PKIB: variants seen among roughly 807,000 people sequenced by gnomAD.
PKIB encodes cAMP-dependent protein kinase inhibitor beta, also known as PKI-beta.
Under a neutral mutation model 4.5 loss-of-function variants are expected in PKIB, and 2 were observed. The observed-to-expected ratio is 0.44, with a 90% CI of 0.18 to 1.39. PKIB has a LOEUF of 1.39. PKIB is among the 40% of genes most tolerant of loss of function. The pLI, the probability that PKIB is intolerant of heterozygous loss-of-function variation, is 0.27. For synonymous variants in PKIB, 38 were observed against 36.0 expected (o/e 1.06, Z -0.20); for missense variants, 94 against 92.6 (o/e 1.02, Z -0.06).
chr6:122,618,661 C>T (rs1437744075), intron 1 of PKIB, among the ~76,000 whole-genome samples: 1 of 151,932 alleles, frequency 6.6e-6, no homozygotes, highest in Non-Finnish European at 1.5e-5. Context: ...CTTAATAAAT[C>T]ATCTTAGTAT....
At chr6:122,516,429 T>C (rs527422765) in intron 2 of PKIB, among the ~76,000 whole-genome samples, 19 of 152,258 alleles carry the variant, frequency 1.2e-4, no homozygotes, top group African/African-American at 4.3e-4. Flanking sequence ...TGATCACTAA[T>C]GCTCAGTCAC....
intron 3 of PKIB, among the ~76,000 whole-genome samples, chr6:122,698,414 C>T (rs910732722): frequency 2.0e-5 from 3 of 152,142 alleles, no homozygotes; most frequent in African/African-American, 7.2e-5. Flanking sequence ...GGTGCTGCTC[C>T]AATGCATTAC....
chr6:122,554,307 C>T (rs771643249), intron 2 of PKIB, among the ~76,000 whole-genome samples: 1 of 152,296 alleles, frequency 6.6e-6, no homozygotes, highest in Non-Finnish European at 1.5e-5. Flanking sequence ...CAGGCATTGT[C>T]TCAATGATCT....
At chr6:122,545,082 G>A (rs1401582765) in intron 2 of PKIB, among the ~76,000 whole-genome samples, 2 of 152,012 alleles carry the variant, frequency 1.3e-5, no homozygotes, top group Admixed American at 6.6e-5. Context: ...ACAGTCTGGC[G>A]ATTTCTCAAG....
At position 122,490,733 on chromosome 6, in the gene PKIB, C is replaced by T. The variant is rs145161271; in HGVS notation, c.-248+12794C>T. On this transcript the variant is annotated intron_variant, in intron 2 of 6. Coordinates refer to the PKIB transcript ENST00000392491. ...CGTGTACAGCCTGCAGAACCATAAG[C>T]CAATTCAACCTCTTTTATTTATAAA... Among the ~76,000 whole-genome samples the T allele has an allele frequency of 2.8e-3, 429 of 152,230 alleles. 3 individuals are homozygous for T. The highest frequency in any genetic ancestry group is 0.01 in the African/African-American group (417 of 41,532).
chr6:122,495,666 C>G (rs920147151), intron 2 of PKIB, among the ~76,000 whole-genome samples: 6 of 152,154 alleles, frequency 3.9e-5, no homozygotes, highest in African/African-American at 1.4e-4. Context: ...TGAGGTCAAG[C>G]TGACCAAATC....
chr6:122,607,094 TAATA>T (rs926010051), upstream of PKIB, among the ~76,000 whole-genome samples: 7 of 149,336 alleles, frequency 4.7e-5, no homozygotes, highest in South Asian at 2.1e-4. Flanking sequence ...AAAATAATAA[TAATA>T]AATAAATAAA....
At chr6:122,473,952 G>A (rs368740206) in intron 1 of PKIB, among the ~76,000 whole-genome samples, 230 of 152,296 alleles carry the variant, frequency 1.5e-3, no homozygotes, top group African/African-American at 5.2e-3. Context: ...GGCCAACATG[G>A]CGAAAACCTG....
intron 2 of PKIB, among the ~76,000 whole-genome samples, chr6:122,521,343 A>G (rs1012752308): frequency 2.0e-5 from 3 of 152,136 alleles, no homozygotes; most frequent in Non-Finnish European, 2.9e-5. Flanking sequence ...CACACGACAC[A>G]ATCTGATTGA....
At chr6:122,531,871 ATTG>A (rs1777269792) in intron 2 of PKIB, among the ~76,000 whole-genome samples, 1 of 152,330 alleles carries the variant, frequency 6.6e-6, no homozygotes, top group East Asian at 1.9e-4. Context: ...TAGCTTAATA[ATTG>A]TTGAATGAAT....
Position 122,636,311 on chromosome 6 carries a change from C to T in PKIB, c.-76+2944C>T, listed in dbSNP as rs565021536. 4.0e-5 allele frequency among the ~76,000 whole-genome samples: 6 copies of T among 151,858 alleles called. No homozygotes were observed. The East Asian group carries it at 1.2e-3, about 29-fold the overall frequency. The stretch of plus-strand genomic sequence containing the variant: ...TAAAAATATATATTTTACTAAAAAT[C>T]CCAAGAGAATTAACTGAAGAACCAT... On this transcript the variant is annotated intron_variant, in intron 2 of 4. Transcript: ENST00000368452.
chr6:122,474,463 G>A (rs1323883358), intron 1 of PKIB, among the ~76,000 whole-genome samples: 1 of 152,206 alleles, frequency 6.6e-6, no homozygotes, highest in East Asian at 1.9e-4. Flanking sequence ...AAATACTGAT[G>A]GAGGGAAGGA....
chr6:122,529,987 G>A (rs1213718078), intron 2 of PKIB, among the ~76,000 whole-genome samples: 1 of 151,628 alleles, frequency 6.6e-6, no homozygotes, highest in Admixed American at 6.6e-5. Context: ...TTCAGATCTG[G>A]GCTATTTTCA....
At chr6:122,515,003 C>T (rs1008722793) in intron 2 of PKIB, among the ~76,000 whole-genome samples, 8 of 152,114 alleles carry the variant, frequency 5.3e-5, no homozygotes, top group Non-Finnish European at 8.8e-5. Flanking sequence ...TTTTTTCTCT[C>T]TTGGTGTGCT....
At chr6:122,560,712 T>A (rs560430160) in intron 2 of PKIB, among the ~76,000 whole-genome samples, 1 of 152,284 alleles carries the variant, frequency 6.6e-6, no homozygotes, top group East Asian at 1.9e-4. Flanking sequence ...ACCATTTTAA[T>A]CTCGCTGCTT....
intron 2 of PKIB, among the ~76,000 whole-genome samples, chr6:122,555,207 G>A (rs1772802083): frequency 1.3e-5 from 2 of 152,184 alleles, no homozygotes; most frequent in Admixed American, 6.5e-5. Flanking sequence ...GGATATTTGA[G>A]TTGAGTCTCG....
intron 2 of PKIB, among the ~76,000 whole-genome samples, chr6:122,499,407 A>G (rs908713945): frequency 1.3e-5 from 2 of 152,230 alleles, no homozygotes; most frequent in Non-Finnish European, 2.9e-5. Context: ...GGTTGAATGT[A>G]TGCAAATTAA....
At chr6:122,541,782 C>T (rs1777612885) in intron 2 of PKIB, among the ~76,000 whole-genome samples, 1 of 151,828 alleles carries the variant, frequency 6.6e-6, no homozygotes, top group African/African-American at 2.4e-5. Context: ...GAGTGTTTTC[C>T]AACTTGGTTC....
At chr6:122,519,096 A>C (rs1735441612) in intron 2 of PKIB, among the ~76,000 whole-genome samples, 1 of 152,136 alleles carries the variant, frequency 6.6e-6, no homozygotes, top group African/African-American at 2.4e-5. Flanking sequence ...TAGGAACCAG[A>C]CTGCACAGCA....
Sources: allele counts gnomAD v4.1 joint callset (sites outside exome capture counted in the v4.1 genomes callset), GRCh38; gene constraint gnomAD v4.1.1; transcripts MANE v1.5; gene names NCBI Gene and HGNC (gene_info 2026-07-23, HGNC 2026-07-21).